Variants in UNC79 observed in about 807,000 individuals in gnomAD.
The protein encoded by UNC79 is protein unc-79 homolog.
UNC79 carries 37 observed loss-of-function variants against 283.1 expected under a neutral mutation model. The ratio of observed to expected loss-of-function variants is 0.13; its 90% confidence interval spans 0.10 to 0.17. The LOEUF (loss-of-function observed/expected upper bound fraction) is 0.17. Among genes scored for constraint, UNC79 ranks in the 10% least tolerant of loss-of-function variants. The pLI is 1.00. For synonymous variants in UNC79, 1,107 were observed against 1,200.2 expected, an observed-to-expected ratio of 0.92 and a Z score of 1.61; for missense variants, 2,272 against 3,211.1, an observed-to-expected ratio of 0.71 and a Z score of 7.07.
At chr14:93,626,794 ATTAGTATAGAGTTTGGAAGAGACAAACG>A (rs2067603606) in intron 30 of UNC79, among the ~76,000 whole-genome samples, 2 of 152,184 alleles carry the variant, frequency 1.3e-5, no homozygotes, top group Middle Eastern at 3.2e-3. Flanking sequence ...AGAGACAAAC[ATTAGTATAGAGTTTGGAAGAGACAAACG>A]TTAGTATAGA....
In UNC79 at chr14:93,600,699, A is replaced by G. The variant is rs1219399201; in HGVS notation, c.3503A>G (p.Asn1168Ser). The G allele has an allele frequency of 2.5e-6, 4 of 1,613,882 alleles. No individual in the cohort carries two copies. In the South Asian group the frequency reaches 3.3e-5, roughly 13 times the overall value. ...GCTCTGAGCTGGGAGTTCTTTGTCA[A>G]TAGATTTGAGACGCTTTCTTTGGAA... The change falls in exon 25 of 49, where the codon AAT becomes AGT. Residue 1168 changes from asparagine to serine, a missense_variant. By Grantham distance (46) the Asn-to-Ser change is conservative (BLOSUM62 1). Around this residue, in one of 11 missense-constraint regions of UNC79, gnomAD observed 237 missense variants for 378.9 expected, o/e 0.63. Transcript: ENST00000555664.
chr14:93,420,514 A>G (rs1266897564), intron 1 of UNC79, among the ~76,000 whole-genome samples: 3 of 151,836 alleles, frequency 2.0e-5, no homozygotes, highest in African/African-American at 7.2e-5. Context: ...ATAGCTTAAG[A>G]CTTCAACACC....
intron 23 of UNC79, 147 bp downstream of exon 23, chr14:93,593,984 G>C: frequency 1.1e-6 from 1 of 918,992 alleles, no homozygotes. Flanking sequence ...GTTCTGCTTT[G>C]AGCTTCCTCT....
intron 14 of UNC79, among the ~76,000 whole-genome samples, chr14:93,569,839 G>A (rs1375416489): frequency 6.6e-6 from 1 of 152,128 alleles, no homozygotes; most frequent in Non-Finnish European, 1.5e-5. Context: ...GGGAGGTTTT[G>A]GGATTGGTAA....
At chr14:93,493,683 A>T (rs1235628363) in intron 5 of UNC79, among the ~76,000 whole-genome samples, 3 of 151,796 alleles carry the variant, frequency 2.0e-5, no homozygotes, top group Non-Finnish European at 4.4e-5. Context: ...GCTATAAAGA[A>T]ATACCTGAGA....
rs2074436286 is a variant in UNC79, at chr14:93,688,596, T to G, written c.6910-69T>G. ...GCGGGGTGGAAATGACAACCTCTTC[T>G]TTTCAAAGAATGGCCTGGAATGAAT... On this transcript the variant is annotated intron_variant, in intron 43 of 48. Transcript: ENST00000555664. This position sits in a 1 kb window ranked among gnomAD's most constrained non-coding sequence, Gnocchi z 4.0. The G allele has an allele frequency of 1.3e-6, 2 of 1,545,638 alleles. No individual in the cohort carries two copies. Among genetic ancestry groups the G allele is most frequent in the South Asian group, 2.5e-5 (2 of 79,926 alleles).
chr14:93,478,634 G>T (rs1160590090), intron 4 of UNC79, among the ~76,000 whole-genome samples: 3 of 152,182 alleles, frequency 2.0e-5, no homozygotes, highest in African/African-American at 7.2e-5. Context: ...TCATGAAGTT[G>T]TGGGATAATT....
At chr14:93,419,728 A>G (rs1164954750) in intron 1 of UNC79, among the ~76,000 whole-genome samples, 1 of 151,602 alleles carries the variant, frequency 6.6e-6, no homozygotes, top group Non-Finnish European at 1.5e-5. Flanking sequence ...TAAATAAAAA[A>G]CATACAAAGG....
At chr14:93,538,198 C>T (rs370366380) in exon 12 of UNC79, 20 of 1,601,752 alleles carry the variant, frequency 1.2e-5, no homozygotes, top group African/African-American at 1.3e-5. Context: ...AGCTGGTCTG[C>T]GCCGTGGAAG....
At chr14:93,343,437 T>C (rs934702286) in intron 1 of UNC79, among the ~76,000 whole-genome samples, 3 of 152,222 alleles carry the variant, frequency 2.0e-5, no homozygotes, top group Admixed American at 6.5e-5. Flanking sequence ...CTTCTGCTTT[T>C]GTTGCTTACT....
At chr14:93,476,256 T>C (rs1157262333) in intron 3 of UNC79, among the ~76,000 whole-genome samples, 1 of 152,178 alleles carries the variant, frequency 6.6e-6, no homozygotes, top group Admixed American at 6.5e-5. Flanking sequence ...GCAACGGTTT[T>C]GTCGCAGTTC....
Position 93,421,704 on chromosome 14 carries a change from C to T in UNC79, c.-350-45967C>T, listed in dbSNP as rs1016230165. On this transcript the variant is annotated intron_variant, in intron 1 of 49. Coordinates refer to the UNC79 transcript ENST00000256339. The stretch of plus-strand genomic sequence containing the variant: ...TGATGAATATTGATGCAAAAATCCT[C>T]AACAAAATACTAGCAAACCAAATTT... 1.1e-4 allele frequency among the ~76,000 whole-genome samples: 17 copies of T among 150,684 alleles called. 1 individual carries two copies. The highest frequency in any genetic ancestry group is 2.4e-4 in the Non-Finnish European group (16 of 67,616).
chr14:93,550,463 C>G (rs941917655), intron 14 of UNC79, among the ~76,000 whole-genome samples: 1 of 137,134 alleles, frequency 7.3e-6, no homozygotes. Flanking sequence ...TGCAGTGAGC[C>G]AAGATCGCGG....
chr14:93,707,008 A>C, downstream of UNC79: 1 of 1,343,262 alleles, frequency 7.4e-7, no homozygotes, highest in Non-Finnish European at 1.0e-6. Context: ...GGTACTGTAC[A>C]TTCTCTTTCT....
At chr14:93,691,810 T>C in exon 46 of UNC79, 1 of 1,614,222 alleles carries the variant, frequency 6.2e-7, no homozygotes, top group South Asian at 1.1e-5. Context: ...CTGTGGACAG[T>C]TTATTGCGAG....
At chr14:93,429,314 G>A (rs562973407), upstream of UNC79, among the ~76,000 whole-genome samples, 1 of 152,136 alleles carries the variant, frequency 6.6e-6, no homozygotes, top group Non-Finnish European at 1.5e-5. Flanking sequence ...GTGGTTTTGG[G>A]AATGAACAAT....
intron 12 of UNC79, among the ~76,000 whole-genome samples, chr14:93,540,127 C>T (rs1401558839): frequency 6.6e-6 from 1 of 152,198 alleles, no homozygotes; most frequent in African/African-American, 2.4e-5. Flanking sequence ...ATGCCAACAC[C>T]ATGTATAAAA....
intron 41 of UNC79, among the ~76,000 whole-genome samples, chr14:93,679,932 A>C (rs755396490): frequency 6.6e-6 from 1 of 152,084 alleles, no homozygotes. Flanking sequence ...ATTTTTTTTC[A>C]GTTTATGGTT....
chr14:93,488,427 G>A (rs984346941), intron 5 of UNC79, among the ~76,000 whole-genome samples: 1 of 151,700 alleles, frequency 6.6e-6, no homozygotes, highest in East Asian at 1.9e-4. Flanking sequence ...CAAAACATGT[G>A]CTAACATGTA....
Sources: gnomAD v4.1 joint callset for allele counts (sites outside exome capture counted in the v4.1 genomes callset) on GRCh38, gnomAD v4.1.1 for gene constraint, gnomAD v4.1.1 regional missense constraint, Gnocchi (gnomAD v3.1) non-coding constraint, MANE v1.5 for transcripts, NCBI Gene and HGNC (gene_info 2026-07-23, HGNC 2026-07-21) for gene names.